TPM1: variants seen among roughly 807,000 people sequenced by gnomAD.
TPM1 encodes tropomyosin alpha-1 chain.
A neutral mutation model predicts 42.9 loss-of-function variants in TPM1; 24 were observed. The ratio of observed to expected loss-of-function variants is 0.56; its 90% CI spans 0.41 to 0.79. The LOEUF (loss-of-function observed/expected upper bound fraction) is 0.79. Among genes scored for constraint, TPM1 ranks in the 30% least tolerant of loss-of-function variants. The pLI is 0.00. For synonymous variants in TPM1, 136 were observed against 130.1 expected, an observed-to-expected ratio of 1.05 and a Z score of -0.31; for missense variants, 158 against 351.8, an observed-to-expected ratio of 0.45 and a Z score of 4.41.
chr15:63,046,075 T>C (rs2032317816), intron 2 of TPM1: 1 of 152,224 alleles, frequency 6.6e-6, no homozygotes, highest in South Asian at 2.1e-4. Context: ...GCAAACACCA[T>C]AGAGTGTATG....
intron 2 of TPM1, 162 bp downstream of exon 2, chr15:63,044,314 A>C: frequency 1.1e-6 from 1 of 944,036 alleles, no homozygotes; most frequent in South Asian, 1.4e-5. Context: ...TCTGACTGCT[A>C]CTGCACACAT....
intron 1 of TPM1, 157 bp from the exon 2 acceptor site, chr15:63,043,870 C>G: frequency 6.5e-7 from 1 of 1,550,014 alleles, no homozygotes; most frequent in Non-Finnish European, 8.7e-7. Context: ...GCACGAATGG[C>G]TAACTCTTTC....
chr15:63,044,011 C>T lies in TPM1; in HGVS notation c.115-16C>T. 6.2e-7 allele frequency: 1 copy of T among 1,613,038 alleles called. No homozygotes were observed. ...TGCACCCCCCTCCCTCCCTGTACCC[C>T]CTGGCCAACTCCCAGCTGGAAGATG... On this transcript the variant is annotated splice_polypyrimidine_tract_variant and intron_variant, in intron 1 of 9. Transcript: ENST00000403994.
At chr15:63,069,799 C>T, downstream of TPM1, 1 of 1,593,926 alleles carries the variant, frequency 6.3e-7, no homozygotes, top group Non-Finnish European at 8.6e-7. Context: ...CTATTAACTG[C>T]CTCTCACCAA....
chr15:63,048,371 G>A (rs1566942697), intron 2 of TPM1: 48 of 1,317,184 alleles, frequency 3.6e-5, no homozygotes, highest in Non-Finnish European at 4.6e-5. Flanking sequence ...CCAGCCGCGC[G>A]CGCCCGCCTG....
At chr15:63,058,485 T>A (rs2035126555) in intron 3 of TPM1, among the ~76,000 whole-genome samples, 1 of 152,134 alleles carries the variant, frequency 6.6e-6, no homozygotes, top group Admixed American at 6.5e-5. Flanking sequence ...GGCGGGCAGA[T>A]CACTTGAGGC....
In TPM1 at chr15:63,064,331, C is replaced by G. The variant is rs111924332; in HGVS notation, c.851+189C>G. ...TAAAGGCCAATTAGATTAAGTCTGT[C>G]TATACAAACCATTTTCTTTTCAGAA... On this transcript the variant is annotated intron_variant, in intron 9 of 9. Coordinates refer to ENST00000403994, the MANE Select transcript of TPM1 (RefSeq NM_001018005.2). The G allele has an allele frequency of 8.0e-4, 1,173 of 1,464,744 alleles. 9 individuals are homozygous for G. In the African/African-American group the frequency reaches 0.015, roughly 19 times the overall value. The allele number at this position is 1,464,744 out of a possible 1,614,324, so 90.7% of individuals were successfully genotyped here. A position where few individuals can be genotyped will look rare whatever the true frequency, so the allele number is the denominator to read the frequency against.
In TPM1 at chr15:63,061,842, G is replaced by A. The variant is rs566771802; in HGVS notation, c.639+54G>A. ...GGCATCTTTTAAGAGCTGCTCAAAAGAGGCCCTGCCAGAAAGCAACACTTA... is the reference window on the plus strand; with the variant it reads ...GGCATCTTTTAAGAGCTGCTCAAAAAAGGCCCTGCCAGAAAGCAACACTTA... On this transcript the variant is annotated intron_variant, in intron 6 of 9. Coordinates refer to ENST00000403994, the MANE Select transcript of TPM1 (RefSeq NM_001018005.2). The A allele has an allele frequency of 6.5e-6, 10 of 1,527,682 alleles. No individual in the cohort carries two copies. In the African/African-American group the frequency reaches 1.1e-4, roughly 17 times the overall value. 94.6% of individuals were successfully genotyped at this position (1,527,682 alleles called of 1,614,324 possible). A position where few individuals can be genotyped will look rare whatever the true frequency, so the allele number is the denominator to read the frequency against.
At chr15:63,056,742 T>A in intron 2 of TPM1, 1 of 545,084 alleles carries the variant, frequency 1.8e-6, no homozygotes, top group Admixed American at 2.9e-5. Flanking sequence ...TAATGATCTG[T>A]CTGTCTGATG....
intron 2 of TPM1, chr15:63,048,667 T>C: frequency 6.5e-7 from 1 of 1,539,248 alleles, no homozygotes; most frequent in Non-Finnish European, 8.7e-7. Flanking sequence ...GCGGGCACCC[T>C]GCAGCGCGAG....
chr15:63,063,900 C>A, intron 8 of TPM1, 164 bp from the exon 9 acceptor site: 1 of 866,134 alleles, frequency 1.2e-6, no homozygotes, highest in Non-Finnish European at 1.7e-6. Flanking sequence ...TAAAACAAAA[C>A]GCACGCCTCC....
intron 2 of TPM1, among the ~76,000 whole-genome samples, chr15:63,055,119 C>T (rs919123306): frequency 6.6e-6 from 1 of 152,044 alleles, no homozygotes; most frequent in Non-Finnish European, 1.5e-5. Flanking sequence ...TACACACACA[C>T]ACCAGAAACA....
chr15:63,053,921 T>C (rs1468285386), intron 2 of TPM1, among the ~76,000 whole-genome samples: 2 of 151,868 alleles, frequency 1.3e-5, no homozygotes, highest in East Asian at 3.9e-4. Flanking sequence ...ACCTCATGAT[T>C]GCCCGCCTCG....
chr15:63,053,484 A>G (rs2034264567), intron 2 of TPM1, among the ~76,000 whole-genome samples: 1 of 152,054 alleles, frequency 6.6e-6, no homozygotes, highest in Non-Finnish European at 1.5e-5. Flanking sequence ...TGATGGCTGT[A>G]TGGCCTCCAC....
intron 2 of TPM1, among the ~76,000 whole-genome samples, chr15:63,053,349 GAC>G (rs2034236048): frequency 6.6e-6 from 1 of 152,114 alleles, no homozygotes; most frequent in Non-Finnish European, 1.5e-5. Context: ...GAGAGATAAA[GAC>G]ACAGGAGTGA....
At chr15:63,063,480 A>G (rs2035917772) in intron 8 of TPM1, 1 of 574,696 alleles carries the variant, frequency 1.7e-6, no homozygotes, top group African/African-American at 2.0e-5. Context: ...GACCAGTAAT[A>G]GGCAGCTTGA....
chr15:63,062,695 A>G (rs1596387131), intron 8 of TPM1, 50 bp downstream of exon 8: 1 of 1,613,876 alleles, frequency 6.2e-7, no homozygotes, highest in Non-Finnish European at 8.5e-7. Flanking sequence ...TTGAATACCA[A>G]CCTGGCAAAA....
At chr15:63,048,582 G>T in intron 2 of TPM1, 1 of 1,528,492 alleles carries the variant, frequency 6.5e-7, no homozygotes, top group Non-Finnish European at 8.8e-7. Flanking sequence ...CGCGATGGCG[G>T]GGAGTAGCTC....
Position 63,064,113 on chromosome 15 carries a change from G to C in TPM1, c.822G>C (p.Leu274=). Residue 274 remains leucine, a synonymous_variant, in exon 9 of 10, where the codon CTG becomes CTC. Coordinates refer to ENST00000403994, the MANE Select transcript of TPM1 (RefSeq NM_001018005.2). Reference sequence around the variant, plus strand: ...AGTACAAAGCCATCAGCGAGGAGCTGGACCACGCTCTCAACGATATGACTT... The same window carrying C: ...AGTACAAAGCCATCAGCGAGGAGCTCGACCACGCTCTCAACGATATGACTT... ...KLKYKAISEE[L]DHALNDMTSI is the part of the protein sequence containing the mutation. 1 of 1,614,096 alleles carries C rather than the reference G, an allele frequency of 6.2e-7. No homozygotes were observed. Among genetic ancestry groups the C allele is most frequent in the Non-Finnish European group, 8.5e-7 (1 of 1,180,022 alleles).
Sources: gnomAD v4.1 joint callset for allele counts (sites outside exome capture counted in the v4.1 genomes callset) on GRCh38, gnomAD v4.1.1 for gene constraint, MANE v1.5 for transcripts, NCBI Gene and HGNC (gene_info 2026-07-23, HGNC 2026-07-21) for gene names.